HAT1: variants seen among roughly 807,000 people sequenced by gnomAD.
HAT1 encodes histone acetyltransferase 1, also known as histone acetyltransferase type B catalytic subunit.
HAT1 carries 20 observed loss-of-function variants against 56.6 expected under a neutral mutation model. The observed-to-expected ratio is 0.35, with a 90% confidence interval of 0.25 to 0.51. The LOEUF (loss-of-function observed/expected upper bound fraction) is 0.51. Among genes scored for constraint, HAT1 ranks in the 20% least tolerant of loss-of-function variants. The pLI, the probability that HAT1 is intolerant of heterozygous loss-of-function variation, is 0.95. For missense variants in HAT1, 408 were observed against 504.3 expected (o/e 0.81, Z 1.83); for synonymous variants, 146 against 165.5 (o/e 0.88, Z 0.91).
chr2:171,977,564 T>A (rs1333614744), intron 9 of HAT1, among the ~76,000 whole-genome samples: 350 of 51,926 alleles, frequency 6.7e-3, no homozygotes, highest in Non-Finnish European at 8.6e-3. Flanking sequence ...TATATTTTTT[T>A]TTTTTTTTTT....
intron 3 of HAT1, among the ~76,000 whole-genome samples, chr2:171,951,410 T>G (rs1687304265): frequency 6.6e-6 from 1 of 152,084 alleles, no homozygotes; most frequent in Non-Finnish European, 1.5e-5. Flanking sequence ...GATCTAGTTT[T>G]ACAGATAGTG....
intron 2 of HAT1, among the ~76,000 whole-genome samples, chr2:171,941,839 G>A (rs528231715): frequency 6.6e-6 from 1 of 152,264 alleles, no homozygotes; most frequent in South Asian, 2.1e-4. Flanking sequence ...AGAGCAATAA[G>A]GTGCCATTTA....
chr2:171,942,575 C>A (rs1344374792), intron 2 of HAT1, among the ~76,000 whole-genome samples: 1 of 152,096 alleles, frequency 6.6e-6, no homozygotes, highest in Admixed American at 6.6e-5. Flanking sequence ...TAATCATTCA[C>A]CTGTGACATT....
chr2:171,942,050 GCA>G (rs1271739966), intron 2 of HAT1, among the ~76,000 whole-genome samples: 1 of 151,956 alleles, frequency 6.6e-6, no homozygotes, highest in Non-Finnish European at 1.5e-5. Flanking sequence ...GATTACAGGT[GCA>G]CACCACCACA....
intron 6 of HAT1, 37 bp from the exon 7 acceptor site, chr2:171,966,372 T>G (rs1258635819): frequency 4.8e-6 from 5 of 1,041,432 alleles, no homozygotes; most frequent in Non-Finnish European, 7.6e-6. Context: ...GGAGCGCGAC[T>G]GTAATTGACC....
Position 171,952,722 on chromosome 2 carries a change from A to C in HAT1, c.189-159A>C, listed in dbSNP as rs539466073. Reference sequence around the variant, plus strand: ...CAACATTCCTGAGTTATTCTATTTTATAGATGAAAACTGAAGCACATTTTA... The same window carrying C: ...CAACATTCCTGAGTTATTCTATTTTCTAGATGAAAACTGAAGCACATTTTA... On this transcript the variant is annotated intron_variant, in intron 3 of 10. Transcript: ENST00000264108. 2.2e-4 allele frequency among the ~76,000 whole-genome samples: 34 copies of C among 152,206 alleles called. 1 individual carries two copies. Among genetic ancestry groups the C allele is most frequent in the Non-Finnish European group, 4.6e-4 (31 of 68,034 alleles).
intron 8 of HAT1, among the ~76,000 whole-genome samples, chr2:171,975,406 G>A (rs1687933960): frequency 6.6e-6 from 1 of 151,728 alleles, no homozygotes; most frequent in Non-Finnish European, 1.5e-5. Flanking sequence ...TGCCTGGCCT[G>A]TTTCCTCTAT....
rs1482521056 is a variant in HAT1, at chr2:171,965,468, C to T, written c.440C>T (p.Ser147Leu). 6.2e-7 allele frequency: 1 copy of T among 1,607,676 alleles called. No homozygotes were observed. The highest frequency in any genetic ancestry group is 1.3e-5 in the African/African-American group (1 of 74,766). ...TTCGGAACCTTACTTCATACCTACT[C>T]AGTTCTCAGTCCAACAGGAGGAGAA... is the stretch of plus-strand genomic sequence containing the variant. ...KPFGTLLHTYSVLSPTGGENF... is the reference protein window; with the variant it reads ...KPFGTLLHTYLVLSPTGGENF... The change falls in exon 5 of 11, where the codon TCA becomes TTA. Residue 147 changes from serine (S) to leucine (L), a missense_variant. Transcript: ENST00000264108.
chr2:171,931,693 A>G (rs1686751976), intron 2 of HAT1, among the ~76,000 whole-genome samples: 1 of 152,174 alleles, frequency 6.6e-6, no homozygotes, highest in Non-Finnish European at 1.5e-5. Context: ...AAACAGCCAT[A>G]TAGTACAGTC....
intron 4 of HAT1, among the ~76,000 whole-genome samples, chr2:171,960,304 G>GA (rs899719162): frequency 6.6e-6 from 1 of 151,188 alleles, no homozygotes; most frequent in Non-Finnish European, 1.5e-5. Context: ...GACAGATGAA[G>GA]AAAAAAAACG....
At chr2:171,922,558 A>C (rs1686464206) in intron 1 of HAT1, 51 bp downstream of exon 1, 1 of 1,300,486 alleles carries the variant, frequency 7.7e-7, no homozygotes, top group African/African-American at 1.5e-5. Flanking sequence ...CAGATCGGGG[A>C]TAGAACGCCG....
chr2:171,972,388 A>G (rs964903886), intron 8 of HAT1, among the ~76,000 whole-genome samples: 2 of 151,950 alleles, frequency 1.3e-5, no homozygotes, highest in East Asian at 3.9e-4. Flanking sequence ...CAGACTCCCA[A>G]GTAGCTGGAA....
chr2:171,957,070 G>A (rs760861586), intron 4 of HAT1, among the ~76,000 whole-genome samples: 15 of 152,114 alleles, frequency 9.9e-5, no homozygotes, highest in South Asian at 2.1e-4. Context: ...CCCTCATGAC[G>A]TACACAGGCG....
chr2:171,938,024 T>TCTCTCTC (rs1558163719), intron 2 of HAT1, among the ~76,000 whole-genome samples: 1 of 104,802 alleles, frequency 9.5e-6, no homozygotes, highest in Non-Finnish European at 1.8e-5. Flanking sequence ...TGTCTACTGA[T>TCTCTCTC]TCTCTCTCTC....
At chr2:171,972,209 CTTTTG>C (rs1046618409) in intron 8 of HAT1, among the ~76,000 whole-genome samples, 8 of 99,466 alleles carry the variant, frequency 8.0e-5, no homozygotes, top group Non-Finnish European at 1.3e-4. Context: ...CAGGGTTTTT[CTTTTG>C]TTTTTTTTTT....
At chr2:171,940,415 T>C (rs185227053) in intron 2 of HAT1, among the ~76,000 whole-genome samples, 1 of 152,316 alleles carries the variant, frequency 6.6e-6, no homozygotes, top group East Asian at 1.9e-4. Flanking sequence ...CTTCTAGTTA[T>C]GGTATGAGCC....
rs1309669850 is a variant in HAT1 at position 171,963,549 on chromosome 2, AT to A, written c.310-1788del. Among the ~76,000 whole-genome samples, 6 of 152,364 alleles carry A rather than the reference AT, an allele frequency of 3.9e-5. No homozygotes were observed. The East Asian group carries it at 9.6e-4, about 24-fold the overall frequency. ...AGGAAAGTTTTTAAAAGTTAAAATT[AT>A]ACATGCTATGAAAGTCTTAAAGTGA... On this transcript the variant is annotated intron_variant, in intron 4 of 10. Transcript: ENST00000264108.
Position 171,966,918 on chromosome 2 carries a change from C to A in HAT1, c.792C>A (p.Tyr264Ter). The change falls in exon 8 of 11, where the codon TAC (tyrosine) becomes TAA (stop). Residue 264 changes from tyrosine (Y) to a stop codon, truncating the protein, a stop_gained. Transcript: ENST00000264108. LOFTEE classifies it high-confidence loss of function. ...TTCTTGAAACAGTTCATAGATACTA[C>A]ACTGAATTTCCTACAGTTCTTGATA... The part of the protein sequence containing the change: ...AQLLETVHRY[Y>*]TEFPTVLDIT... 6.4e-7 allele frequency: 1 copy of A among 1,557,140 alleles called. No homozygotes were observed. The highest frequency in any genetic ancestry group is 8.9e-7 in the Non-Finnish European group (1 of 1,129,722).
chr2:171,935,161 C>T (rs1686841009), intron 2 of HAT1, among the ~76,000 whole-genome samples: 1 of 151,802 alleles, frequency 6.6e-6, no homozygotes, highest in African/African-American at 2.4e-5. Flanking sequence ...GAATTCTGCA[C>T]TGGAAAGGGA....
Sources: gnomAD v4.1 joint callset for allele counts (sites outside exome capture counted in the v4.1 genomes callset) on GRCh38, gnomAD v4.1.1 for gene constraint, MANE v1.5 for transcripts, NCBI Gene and HGNC (gene_info 2026-07-23, HGNC 2026-07-21) for gene names.